The following SYT1 variants were observed in gnomAD, a reference collection of about 807,000 sequenced individuals.
The protein encoded by SYT1 is synaptotagmin 1.
Under a neutral mutation model 44.8 loss-of-function variants are expected in SYT1, and 8 were observed. That is an observed-to-expected ratio of 0.18 (90% CI 0.10 to 0.32). The LOEUF (loss-of-function observed/expected upper bound fraction) is 0.32, where lower values mean the gene tolerates loss of function less well. Among genes scored for constraint, SYT1 ranks in the 10% least tolerant of loss-of-function variants. SYT1 has a pLI of 1.00. For synonymous variants in SYT1, 154 were observed against 188.8 expected, an observed-to-expected ratio of 0.82 and a Z score of 1.51; for missense variants, 286 against 509.3, an observed-to-expected ratio of 0.56 and a Z score of 4.22.
intron 3 of SYT1, among the ~76,000 whole-genome samples, chr12:79,051,076 C>T (rs1348723573): frequency 6.6e-6 from 1 of 151,496 alleles, no homozygotes; most frequent in African/African-American, 2.4e-5. Flanking sequence ...TAACCACCCA[C>T]CATTTTTTTC....
intron 4 of SYT1, among the ~76,000 whole-genome samples, chr12:79,248,400 G>T (rs1224945899): frequency 6.6e-6 from 1 of 152,128 alleles, no homozygotes; most frequent in Non-Finnish European, 1.5e-5. Context: ...TTTAAAGGAG[G>T]AAAATTAGCA....
intron 9 of SYT1, among the ~76,000 whole-genome samples, chr12:79,375,058 C>T (rs1231566612): frequency 6.6e-6 from 1 of 152,140 alleles, no homozygotes; most frequent in Admixed American, 6.5e-5. Flanking sequence ...TTTATGGATA[C>T]TGATATGCAA....
chr12:78,889,671 G>A (rs199596317), intron 1 of SYT1, among the ~76,000 whole-genome samples: 2 of 87,864 alleles, frequency 2.3e-5, no homozygotes, highest in African/African-American at 1.2e-4. Context: ...GATTTATAAA[G>A]AAAGAAAGGT....
At chr12:79,166,632 G>T (rs1871238033) in intron 3 of SYT1, among the ~76,000 whole-genome samples, 1 of 151,810 alleles carries the variant, frequency 6.6e-6, no homozygotes. Flanking sequence ...AAACCCTGGG[G>T]GATAACATGC....
At chr12:79,321,785 C>T (rs567897657) in intron 8 of SYT1, among the ~76,000 whole-genome samples, 3 of 152,186 alleles carry the variant, frequency 2.0e-5, no homozygotes, top group Non-Finnish European at 4.4e-5. Flanking sequence ...CTTTCAGATC[C>T]TCATGTTGAG....
At chr12:78,931,238 A>G (rs749590103) in intron 1 of SYT1, among the ~76,000 whole-genome samples, 1,284 of 41,036 alleles carry the variant, frequency 0.031, 148 homozygotes, top group African/African-American at 0.099. Context: ...AAAGAAAGAA[A>G]GAAGGAAGGA....
intron 1 of SYT1, among the ~76,000 whole-genome samples, chr12:78,897,485 T>C (rs1875423831): frequency 6.6e-6 from 1 of 152,006 alleles, no homozygotes; most frequent in African/African-American, 2.4e-5. Flanking sequence ...ACATAAATTC[T>C]GCAAGCCTAA....
chr12:78,977,853 C>A lies in SYT1; in HGVS notation c.-162C>A, dbSNP rs1052219208. 6.6e-6 allele frequency: 1 copy of A among 152,226 alleles called. No individual in the cohort carries two copies. The highest frequency in any genetic ancestry group is 1.5e-5 in the Non-Finnish European group (1 of 68,066). The allele number at this position is 152,226 out of a possible 1,614,324, so 9.4% of individuals were successfully genotyped here. Reference sequence around the variant, plus strand: ...AAGAACTAGCAAGAGCTTGAACAAACGCCTGGACTCAGATTGGAAGACTGC... The same window carrying A: ...AAGAACTAGCAAGAGCTTGAACAAAAGCCTGGACTCAGATTGGAAGACTGC... On this transcript the variant is annotated 5_prime_UTR_variant, in exon 2 of 11. Coordinates refer to ENST00000261205, the MANE Select transcript of SYT1 (RefSeq NM_005639.3).
intron 3 of SYT1, among the ~76,000 whole-genome samples, chr12:79,123,309 A>ATGTGTGTGTG (rs66869713): frequency 0.013 from 1,806 of 141,604 alleles, 24 homozygotes; most frequent in Non-Finnish European, 0.017. Context: ...TAAAAATGCA[A>ATGTGTGTGTG]TGTGTGTGTG....
intron 5 of SYT1, among the ~76,000 whole-genome samples, chr12:79,291,341 CAATT>C (rs1879571123): frequency 6.6e-6 from 1 of 152,168 alleles, no homozygotes; most frequent in Admixed American, 6.5e-5. Flanking sequence ...GACTCTTAAT[CAATT>C]TAATTCAGCC....
intron 2 of SYT1, among the ~76,000 whole-genome samples, chr12:79,006,667 A>G (rs1452241012): frequency 6.6e-6 from 1 of 152,040 alleles, no homozygotes; most frequent in Non-Finnish European, 1.5e-5. Flanking sequence ...TCTGAAATAT[A>G]CTATGTAGGA....
At chr12:79,264,147 G>A (rs1432451413) in intron 4 of SYT1, among the ~76,000 whole-genome samples, 1 of 151,478 alleles carries the variant, frequency 6.6e-6, no homozygotes. Context: ...TATGAATAAA[G>A]ATAATATTGA....
chr12:79,334,080 A>T (rs1199650301), intron 8 of SYT1, among the ~76,000 whole-genome samples: 3 of 152,178 alleles, frequency 2.0e-5, no homozygotes, highest in African/African-American at 7.2e-5. Flanking sequence ...CTTCAAAAAA[A>T]AGTTACTGAG....
At chr12:79,167,453 A>C (rs1252939022) in intron 3 of SYT1, among the ~76,000 whole-genome samples, 1 of 151,916 alleles carries the variant, frequency 6.6e-6, no homozygotes, top group African/African-American at 2.4e-5. Flanking sequence ...ATGGATTTGA[A>C]AGGTATACTA....
At chr12:79,106,110 T>C (rs978014959) in intron 3 of SYT1, among the ~76,000 whole-genome samples, 5 of 152,146 alleles carry the variant, frequency 3.3e-5, no homozygotes, top group Non-Finnish European at 7.4e-5. Flanking sequence ...GCTCTGAGAT[T>C]CCTGCAGCTA....
intron 4 of SYT1, among the ~76,000 whole-genome samples, chr12:79,245,463 A>C (rs1406188893): frequency 7.1e-6 from 1 of 140,444 alleles, no homozygotes; most frequent in Non-Finnish European, 1.5e-5. Context: ...ACAGAGCGAG[A>C]CTCCGTCAAC....
At chr12:79,011,029 T>A (rs575163630) in intron 2 of SYT1, among the ~76,000 whole-genome samples, 2 of 152,296 alleles carry the variant, frequency 1.3e-5, no homozygotes, top group Admixed American at 1.3e-4. Flanking sequence ...ATTATGCCAA[T>A]CATTGTTGAG....
intron 4 of SYT1, among the ~76,000 whole-genome samples, chr12:79,241,659 G>GA (rs568312083): frequency 6.0e-4 from 91 of 151,840 alleles, no homozygotes; most frequent in Non-Finnish European, 8.0e-4. Context: ...GGTGAAAACA[G>GA]AAAAAAAATG....
intron 3 of SYT1, among the ~76,000 whole-genome samples, chr12:79,139,964 A>C (rs547455440): frequency 6.6e-6 from 1 of 152,212 alleles, no homozygotes; most frequent in South Asian, 2.1e-4. Context: ...ATACAAACCT[A>C]TAGAAAGTCC....
Sources: allele counts gnomAD v4.1 joint callset (sites outside exome capture counted in the v4.1 genomes callset), GRCh38; gene constraint gnomAD v4.1.1; transcripts MANE v1.5; gene names NCBI Gene and HGNC (gene_info 2026-07-23, HGNC 2026-07-21).